The following MYBPC3 variants were observed in gnomAD, a reference collection of about 807,000 sequenced individuals.
MYBPC3 encodes myosin-binding protein C, cardiac-type.
In MYBPC3, 108 loss-of-function variants were observed where a neutral mutation model predicts 159.3. That is an observed-to-expected ratio of 0.68 (90% CI 0.58 to 0.80). The LOEUF (loss-of-function observed/expected upper bound fraction) is 0.80, where lower values mean the gene tolerates loss of function less well. Among genes scored for constraint, MYBPC3 ranks in the 30% least tolerant of loss-of-function variants. The pLI, the probability that MYBPC3 is intolerant of heterozygous loss-of-function variation, is 0.00. For synonymous variants in MYBPC3, 730 were observed against 702.0 expected (o/e 1.04, Z -0.63); for missense variants, 1,631 against 1,762.1 (o/e 0.93, Z 1.33).
rs746738538 is a variant in MYBPC3, at chr11:47,351,379, G to A, written c.152C>T (p.Ala51Val). ...TGTGGCCAGGCCGTACTTGTTGCTG[G>A]CGCTGATGTCACTGCCTCCGCGCTG... The part of the protein sequence containing the change: ...RWQRGGSDIS[A>V]SNKYGLATEG... Residue 51 changes from alanine to valine, a missense_variant, in exon 2 of 35, where the codon GCC (alanine) becomes GTC (valine). Transcript: ENST00000545968. This position sits in a 1 kb window ranked among gnomAD's most constrained non-coding sequence, Gnocchi z 4.2. 7 of 1,608,798 alleles carry A rather than the reference G, an allele frequency of 4.4e-6. No individual in the cohort carries two copies. Among genetic ancestry groups the A allele is most frequent in the Non-Finnish European group, 5.1e-6 (6 of 1,178,014 alleles).
rs771753579 is a variant in MYBPC3 at position 47,339,395 on chromosome 11, C to G, written c.2077G>C (p.Ala693Pro). Residue 693 changes from alanine to proline, a missense_variant, in exon 22 of 35, where the codon GCC becomes CCC. Coordinates refer to ENST00000545968, the MANE Select transcript of MYBPC3 (RefSeq NM_000256.3). ...GCATCTGGGGCTGGCCTGGCTGGGGCCTTATTCCCCTGGGAACAGGGCAGG... is the reference window on the plus strand; with the variant it reads ...GCATCTGGGGCTGGCCTGGCTGGGGGCTTATTCCCCTGGGAACAGGGCAGG... ...WQKAITQGNK[A>P]PARPAPDAPE... The G allele has an allele frequency of 6.2e-6, 10 of 1,613,914 alleles. No homozygotes were observed. In the South Asian group the frequency reaches 1.1e-4, roughly 18 times the overall value.
At position 47,337,511 on chromosome 11, in the gene MYBPC3, C is replaced by G. The variant is rs770514536; in HGVS notation, c.2482G>C (p.Glu828Gln). 2 of 1,614,026 alleles carry G rather than the reference C, an allele frequency of 1.2e-6. No individual in the cohort carries two copies. Among genetic ancestry groups the G allele is most frequent in the South Asian group, 2.2e-5 (2 of 91,086 alleles). The stretch of plus-strand genomic sequence containing the variant: ...ATGCGCCGCGCTTCATGACTCAGCT[C>G]CTGAATCAGGTCGAAGTTCAGCCGC... ...WMRLNFDLIQ[E>Q]LSHEARRMIE... Residue 828 changes from glutamate (E) to glutamine (Q), a missense_variant, in exon 25 of 35, where the codon GAG (glutamate) becomes CAG (glutamine). Physicochemically the swap from Glu to Gln is conservative, Grantham distance 29. Coordinates refer to ENST00000545968, the MANE Select transcript of MYBPC3 (RefSeq NM_000256.3).
rs1369422685 is a variant in MYBPC3 at position 47,347,496 on chromosome 11, C to G, written c.852-17G>C. ...TGGCTATCACTATGGAGAGGGACCC[C>G]CAGTGAGGCTGCAGTGAGGGACTGG... On this transcript the variant is annotated splice_polypyrimidine_tract_variant and intron_variant, in intron 8 of 34. Transcript: ENST00000545968. The G allele has an allele frequency of 3.1e-6, 5 of 1,593,706 alleles. No homozygotes were observed. The highest frequency in any genetic ancestry group is 4.3e-6 in the Non-Finnish European group (5 of 1,170,340).
At position 47,346,964 on chromosome 11, in the gene MYBPC3, G is replaced by T; in HGVS notation, c.908+63C>A. 1 of 768,436 alleles carries T rather than the reference G, an allele frequency of 1.3e-6. No individual in the cohort carries two copies. The highest frequency in any genetic ancestry group is 2.4e-5 in the East Asian group (1 of 41,198). 47.6% of individuals were successfully genotyped at this position (768,436 alleles called of 1,614,324 possible). The stretch of plus-strand genomic sequence containing the variant: ...CACCACAGCCTCTCAGAGAGGGGAC[G>T]GGAATCCCCTCTGCACCCACCAGCG... On this transcript the variant is annotated intron_variant, in intron 10 of 34. Transcript: ENST00000545968. This position sits in a 1 kb window ranked among gnomAD's most constrained non-coding sequence, Gnocchi z 5.3.
In MYBPC3 at chr11:47,331,891, A is replaced by G; in HGVS notation, c.3815-10T>C. ...CCTGGTCACTGAGGCACTGCAGAAG[A>G]GGAGGCCATGTCACTGTGTCCTCCC... On this transcript the variant is annotated splice_polypyrimidine_tract_variant and intron_variant, in intron 33 of 34. Transcript: ENST00000545968. The G allele has an allele frequency of 6.2e-7, 1 of 1,610,396 alleles. No individual in the cohort carries two copies. Among genetic ancestry groups the G allele is most frequent in the South Asian group, 1.1e-5 (1 of 90,322 alleles).
intron 5 of MYBPC3, 86 bp from the exon 6 acceptor site, chr11:47,348,627 C>T (rs553429284): frequency 2.5e-4 from 271 of 1,090,090 alleles, no homozygotes; most frequent in Non-Finnish European, 3.0e-4. Flanking sequence ...TGGGAGTGGC[C>T]GGGCGCGGTG....
chr11:47,348,930 A>ATATATATATAT (rs1291880008), intron 5 of MYBPC3, among the ~76,000 whole-genome samples: 34 of 133,590 alleles, frequency 2.5e-4, no homozygotes, highest in Non-Finnish European at 4.4e-4. Flanking sequence ...ATATATATTT[A>ATATATATATAT]AAGGAGGCTG....
At position 47,351,593 on chromosome 11, in the gene MYBPC3, A is replaced by G; in HGVS notation, c.26-88T>C. The G allele has an allele frequency of 2.9e-6, 4 of 1,361,968 alleles. No individual in the cohort carries two copies. Among genetic ancestry groups the G allele is most frequent in the Non-Finnish European group, 2.9e-6 (3 of 1,025,834 alleles). 84.4% of individuals were successfully genotyped at this position (1,361,968 alleles called of 1,614,324 possible). A position where few individuals can be genotyped will look rare whatever the true frequency, so the allele number is the denominator to read the frequency against. ...CCCTCTCAGTAAATACTGTGCTAGC[A>G]CTTTCTATGCATCCCCTCACGTAAT... On this transcript the variant is annotated intron_variant, in intron 1 of 34. Coordinates refer to ENST00000545968, the MANE Select transcript of MYBPC3 (RefSeq NM_000256.3). The surrounding 1 kb of genome is among the most constrained non-coding windows in gnomAD (Gnocchi z 4.2).
intron 23 of MYBPC3, 37 bp from the exon 24 acceptor site, chr11:47,337,831 C>A: frequency 1.3e-6 from 2 of 1,526,676 alleles, no homozygotes; most frequent in East Asian, 2.5e-5. Flanking sequence ...CAGCCCTGCC[C>A]CGCTCAGGGC....
chr11:47,348,976 G>A (rs1363684443), intron 5 of MYBPC3, among the ~76,000 whole-genome samples: 1 of 141,954 alleles, frequency 7.0e-6, no homozygotes, highest in Non-Finnish European at 1.5e-5. Flanking sequence ...CGCACCCTCA[G>A]GCTTTAGTTA....
intron 27 of MYBPC3, among the ~76,000 whole-genome samples, chr11:47,334,509 A>G (rs971126046): frequency 5.9e-5 from 9 of 151,754 alleles, no homozygotes; most frequent in Non-Finnish European, 8.8e-5. Context: ...TGTGGCTTTT[A>G]CTTTCCCTGT....
In MYBPC3 at chr11:47,339,728, C is replaced by T; in HGVS notation, c.1990G>A (p.Gly664Arg). The T allele has an allele frequency of 6.2e-7, 1 of 1,613,940 alleles. No individual in the cohort carries two copies. The highest frequency in any genetic ancestry group is 1.1e-5 in the South Asian group (1 of 91,078). The change falls in exon 21 of 35, where the codon GGA becomes AGA. Residue 664 changes from glycine (G) to arginine (R), a missense_variant. Transcript: ENST00000545968. The part of the protein sequence containing the change: ...RIPDTIVVVA[G>R]NKLRLDVPIS... ...GGGACGTCCAGACGTAGCTTATTTC[C>T]AGCTACAACCACAATGGTGTCTGGT...
Position 47,339,911 on chromosome 11 carries a change from T to C in MYBPC3, c.1928-121A>G, listed in dbSNP as rs2095886672. On this transcript the variant is annotated intron_variant, in intron 20 of 34. Coordinates refer to ENST00000545968, the MANE Select transcript of MYBPC3 (RefSeq NM_000256.3). ...TTGGTTTTTTAGATTTGTATTGAGG[T>C]ATAGTTTATGCTCAGATCTGACAGT... 13 of 1,097,360 alleles carry C rather than the reference T, an allele frequency of 1.2e-5. No homozygotes were observed. In the South Asian group the frequency reaches 2.1e-4, roughly 18 times the overall value. The allele number at this position is 1,097,360 out of a possible 1,614,324, so 68.0% of individuals were successfully genotyped here.
Position 47,348,851 on chromosome 11 carries a change from G to A in MYBPC3, c.655-310C>T, listed in dbSNP as rs1415731773. ...ACCCAGGAGGTGGAGGTTGCAGTGA[G>A]CCGAGATTGAGCCACTGCACTCCAG... On this transcript the variant is annotated intron_variant, in intron 5 of 34. Coordinates refer to ENST00000545968, the MANE Select transcript of MYBPC3 (RefSeq NM_000256.3). Among the ~76,000 whole-genome samples, 3 of 136,534 alleles carry A rather than the reference G, an allele frequency of 2.2e-5. No individual in the cohort carries two copies. In the East Asian group the frequency reaches 6.7e-4, roughly 31 times the overall value. 89.6% of individuals were successfully genotyped at this position (136,534 alleles called of 152,430 possible). A position where few individuals can be genotyped will look rare whatever the true frequency, so the allele number is the denominator to read the frequency against.
chr11:47,343,323 A>T, intron 13 of MYBPC3, 61 bp from the exon 14 acceptor site: 1 of 1,518,000 alleles, frequency 6.6e-7, no homozygotes, highest in Non-Finnish European at 8.8e-7. Context: ...CCGAGACAAA[A>T]GGAGAGAGAG....
chr11:47,340,138 TATACAC>T, intron 20 of MYBPC3, among the ~76,000 whole-genome samples: 1 of 149,984 alleles, frequency 6.7e-6, no homozygotes, highest in East Asian at 1.9e-4. Flanking sequence ...CACACACGCA[TATACAC>T]ATACACACAG....
intron 3 of MYBPC3, 40 bp from the exon 4 acceptor site, chr11:47,350,152 C>A (rs998428491): frequency 6.5e-7 from 1 of 1,537,004 alleles, no homozygotes; most frequent in Non-Finnish European, 8.8e-7. Flanking sequence ...GAGATGGAGT[C>A]TTGCTCTGTC....
chr11:47,342,595 G>A lies in MYBPC3; in HGVS notation c.1607C>T (p.Ala536Val). Residue 536 changes from alanine to valine, a missense_variant, in exon 17 of 35, where the codon GCT (alanine) becomes GTT (valine). Ala to Val is a moderately conservative substitution (Grantham distance 64, BLOSUM62 0). Transcript: ENST00000545968. ...ALCTSGGQAL[A>V]ELIVQEKKLE... is the part of the protein sequence containing the mutation. Reference sequence around the variant, plus strand: ...AGGCTCACCCTGCACAATGAGCTCAGCCAGCGCCTGGCCCCCGCTAGTGCA... The same window carrying A: ...AGGCTCACCCTGCACAATGAGCTCAACCAGCGCCTGGCCCCCGCTAGTGCA... 2 of 1,607,390 alleles carry A rather than the reference G, an allele frequency of 1.2e-6. No homozygotes were observed. The highest frequency in any genetic ancestry group is 2.2e-5 in the South Asian group (2 of 90,280).
chr11:47,333,742 CG>C lies in MYBPC3; in HGVS notation c.3004del (p.Arg1002GlyfsTer4). On this transcript the variant is annotated frameshift_variant, in exon 29 of 35. Transcript: ENST00000545968. LOFTEE classifies it high-confidence loss of function. The part of the protein sequence containing the change: ...NLLIPFQGKP[R>X]PQVTWTKEGQ... ...CTCTTTGGTCCAGGTCACCTGAGGC[CG>C]GGGCTTGCCCTGAGGGGAGGAAAAG... 6.3e-7 allele frequency: 1 copy of C among 1,599,466 alleles called. No individual in the cohort carries two copies.
Sources: gnomAD v4.1 joint callset for allele counts (sites outside exome capture counted in the v4.1 genomes callset) on GRCh38, gnomAD v4.1.1 for gene constraint, Gnocchi (gnomAD v3.1) non-coding constraint, MANE v1.5 for transcripts, NCBI Gene and HGNC (gene_info 2026-07-23, HGNC 2026-07-21) for gene names.